FGF13: variants seen among roughly 807,000 people sequenced by gnomAD.
The protein encoded by FGF13 is fibroblast growth factor 13, also known as fibroblast growth factor homologous factor 2.
Under a neutral mutation model 19.5 loss-of-function variants are expected in FGF13, and 2 were observed. That is an observed-to-expected ratio of 0.10 (90% CI 0.04 to 0.32). The LOEUF (loss-of-function observed/expected upper bound fraction) is 0.32. FGF13 is among the 10% of genes least tolerant of loss of function. The pLI is 1.00. For missense variants in FGF13, 113 were observed against 192.7 expected, an observed-to-expected ratio of 0.59 and a Z score of 2.45; for synonymous variants, 72 against 76.9, an observed-to-expected ratio of 0.94 and a Z score of 0.33.
At chrX:138,646,182 A>C (rs2089304331) in intron 3 of FGF13, among the ~76,000 whole-genome samples, 1 of 112,496 alleles carries the variant, frequency 8.9e-6, no homozygotes, top group African/African-American at 3.2e-5. Flanking sequence ...GTTTAACAAA[A>C]GTAATGATAA....
chrX:138,854,678 T>G (rs1486990815), downstream of FGF13, among the ~76,000 whole-genome samples: 1 of 112,505 alleles, frequency 8.9e-6, no homozygotes, highest in African/African-American at 3.2e-5. Flanking sequence ...GCTTACGCAA[T>G]TCAAACATTT....
At chrX:138,838,646 G>A (rs1012675669) in intron 3 of FGF13, among the ~76,000 whole-genome samples, 2 of 111,944 alleles carry the variant, frequency 1.8e-5, no homozygotes, top group African/African-American at 6.5e-5. Context: ...TTCAGTTGAA[G>A]GTGCTGTGTT....
intron 1 of FGF13, among the ~76,000 whole-genome samples, chrX:138,953,991 T>C (rs777367072): frequency 9.0e-6 from 1 of 111,146 alleles, no homozygotes; most frequent in Non-Finnish European, 1.9e-5. Flanking sequence ...GAAATATCTT[T>C]ATCTTGTTAG....
intron 3 of FGF13, among the ~76,000 whole-genome samples, chrX:138,804,881 T>A (rs747689362): frequency 2.3e-4 from 26 of 112,157 alleles, no homozygotes; most frequent in Non-Finnish European, 4.1e-4. Context: ...ACAGATTCTT[T>A]ACAGTCTTAT....
chrX:139,133,467 G>A (rs1445333390), intron 1 of FGF13, among the ~76,000 whole-genome samples: 4 of 110,836 alleles, frequency 3.6e-5, no homozygotes, highest in Non-Finnish European at 7.6e-5. Context: ...ACATCCAAAG[G>A]CCAAAGCATA....
chrX:139,083,204 TTTTA>T (rs2083382235), intron 1 of FGF13, among the ~76,000 whole-genome samples: 1 of 111,406 alleles, frequency 9.0e-6, no homozygotes, highest in African/African-American at 3.3e-5. Context: ...TCCTATTTCA[TTTTA>T]TTTTTCTCCC....
At chrX:138,703,218 T>G in intron 2 of FGF13, 131 bp from the exon 3 acceptor site, 1 of 494,948 alleles carries the variant, frequency 2.0e-6, no homozygotes, top group Non-Finnish European at 3.6e-6. Context: ...TATGTCTGTT[T>G]ATGTAGACAT....
At chrX:139,106,012 T>C (rs2083557421) in intron 1 of FGF13, among the ~76,000 whole-genome samples, 1 of 112,378 alleles carries the variant, frequency 8.9e-6, no homozygotes. Context: ...GAGAGGCATT[T>C]GGTTGACTTC....
chrX:138,807,144 C>G (rs944939504), intron 3 of FGF13: 3 of 110,564 alleles, frequency 2.7e-5, no homozygotes, highest in Non-Finnish European at 5.7e-5. Context: ...AGGGCCGGCC[C>G]TGCCTTCAGC....
At position 138,797,574 on chromosome X, in the gene FGF13, G is replaced by GT. The variant is rs869032200; in HGVS notation, c.217+59937dup. Among the ~76,000 whole-genome samples, 42 of 107,729 alleles carry GT rather than the reference G, an allele frequency of 3.9e-4. 1 individual carries two copies. In the South Asian group the frequency reaches 9.1e-3, roughly 23 times the overall value. The allele number at this position is 107,729 out of a possible 115,157, so 93.5% of individuals were successfully genotyped here. ...TTGGTTCCATATGAAACTAAAGGTA[G>GT]TTTTTTTTTTCTACTTCTGTGAAGA... On this transcript the variant is annotated intron_variant, in intron 3 of 6. Transcript: ENST00000436198.
In FGF13 at chrX:139,105,257, G is replaced by C. The variant is rs151170614; in HGVS notation, c.-113+98159C>G. On this transcript the variant is annotated intron_variant, in intron 1 of 2. Coordinates refer to the FGF13 transcript ENST00000421460. ...TGACATCTATAGACCATGAGGTGCT[G>C]TGTGTAGCAGACACAATGTGGTATG... is the stretch of plus-strand genomic sequence containing the variant. Among the ~76,000 whole-genome samples, 24 of 111,173 alleles carry C rather than the reference G, an allele frequency of 2.2e-4. No individual in the cohort carries two copies. In the East Asian group the frequency reaches 6.8e-3, roughly 32 times the overall value.
rs745781256 is a variant in FGF13 at position 138,677,216 on chromosome X, T to C, written c.402+25768A>G. 6.3e-5 allele frequency among the ~76,000 whole-genome samples: 7 copies of C among 111,684 alleles called. No individual in the cohort carries two copies. The East Asian group carries it at 2.0e-3, about 32-fold the overall frequency. Reference sequence around the variant, plus strand: ...GAAATAAACGTTAGACCTAAAACCATGAAAACCCTAGAAGAAAACCTAGGT... The same window carrying C: ...GAAATAAACGTTAGACCTAAAACCACGAAAACCCTAGAAGAAAACCTAGGT... On this transcript the variant is annotated intron_variant, in intron 3 of 4. Transcript: ENST00000315930.
intron 1 of FGF13, among the ~76,000 whole-genome samples, chrX:139,106,218 C>T (rs182330514): frequency 8.9e-6 from 1 of 112,282 alleles, no homozygotes; most frequent in Admixed American, 9.4e-5. Flanking sequence ...CACAGAGGCG[C>T]CCTTAAGCCT....
chrX:139,202,999 T>C (rs1037449541), intron 1 of FGF13, among the ~76,000 whole-genome samples: 1 of 112,130 alleles, frequency 8.9e-6, no homozygotes, highest in Non-Finnish European at 1.9e-5. Context: ...CTCTTCCATA[T>C]TCCCTCTCTG....
chrX:138,802,466 T>C (rs941838759), intron 3 of FGF13, among the ~76,000 whole-genome samples: 6 of 111,354 alleles, frequency 5.4e-5, no homozygotes, highest in African/African-American at 2.0e-4. Flanking sequence ...GGGACCTCAG[T>C]TGGAAATGCA....
intron 3 of FGF13, among the ~76,000 whole-genome samples, chrX:138,815,309 T>A (rs2090954334): frequency 9.0e-6 from 1 of 110,824 alleles, no homozygotes; most frequent in African/African-American, 3.3e-5. Flanking sequence ...ACTTAAAAAG[T>A]GCTAAGAAAG....
chrX:138,641,715 G>A (rs754185788), intron 3 of FGF13, among the ~76,000 whole-genome samples: 2 of 111,637 alleles, frequency 1.8e-5, no homozygotes, highest in South Asian at 3.7e-4. Context: ...CTCTTCCAGG[G>A]TATATTTGAT....
intron 1 of FGF13, among the ~76,000 whole-genome samples, chrX:138,994,181 A>G (rs1438512032): frequency 1.8e-5 from 2 of 111,569 alleles, no homozygotes; most frequent in Non-Finnish European, 3.8e-5. Context: ...TCCAAGCTCA[A>G]GGTACCAGCA....
At chrX:138,752,352 G>A (rs938620228) in intron 3 of FGF13, among the ~76,000 whole-genome samples, 7 of 110,531 alleles carry the variant, frequency 6.3e-5, no homozygotes, top group South Asian at 3.9e-4. Context: ...GCTTGAAACC[G>A]GGGGCAGAGG....
Sources: allele counts gnomAD v4.1 joint callset (sites outside exome capture counted in the v4.1 genomes callset), GRCh38; gene constraint gnomAD v4.1.1; transcripts MANE v1.5; gene names NCBI Gene and HGNC (gene_info 2026-07-23, HGNC 2026-07-21).